The following NRIP1 variants were observed in gnomAD, a reference collection of about 807,000 sequenced individuals.
NRIP1 encodes the protein nuclear receptor interacting protein 1, also known as nuclear receptor-interacting protein 1.
NRIP1 carries 28 observed loss-of-function variants against 75.0 expected under a neutral mutation model. That is an observed-to-expected ratio of 0.37 (90% CI 0.28 to 0.51). NRIP1 has a LOEUF of 0.51. NRIP1 is among the 20% of genes least tolerant of loss of function. The probability of loss-of-function intolerance (pLI) is 0.92; values close to 1 mark genes in which losing one functional copy is unlikely to be tolerated. For missense variants in NRIP1, 1,435 were observed against 1,343.7 expected (o/e 1.07, Z -1.06); for synonymous variants, 526 against 487.6 (o/e 1.08, Z -1.04).
intron 2 of NRIP1, among the ~76,000 whole-genome samples, chr21:15,018,521 G>T (rs766709129): frequency 6.6e-6 from 1 of 152,142 alleles, no homozygotes; most frequent in Admixed American, 6.6e-5. Flanking sequence ...ATAAAGTGAA[G>T]AGAATTTCCA....
intron 3 of NRIP1, among the ~76,000 whole-genome samples, chr21:15,002,973 A>T (rs919541382): frequency 5.9e-5 from 9 of 152,216 alleles, no homozygotes; most frequent in African/African-American, 2.2e-4. Context: ...CTCAACAATT[A>T]TTTAAAAAGC....
Position 14,967,230 on chromosome 21 carries a change from C to T in NRIP1, c.963G>A (p.Met321Ile), listed in dbSNP as rs1568940704. The T allele has an allele frequency of 6.2e-7, 1 of 1,614,030 alleles. No homozygotes were observed. Among genetic ancestry groups the T allele is most frequent in the African/African-American group, 1.3e-5 (1 of 75,054 alleles). Residue 321 changes from methionine (M) to isoleucine (I), a missense_variant, in exon 4 of 4, where the codon ATG (methionine) becomes ATA (isoleucine). Transcript: ENST00000318948. ...DVGSYQLPKG[M>I]SSHLNGQART... ...TTGCCTGACCATTAAGATGGCTTGA[C>T]ATTCCTTTTGGGAGCTGGTAACTGC...
At chr21:15,049,929 T>C (rs2089166518) in intron 1 of NRIP1, among the ~76,000 whole-genome samples, 1 of 152,138 alleles carries the variant, frequency 6.6e-6, no homozygotes, top group Admixed American at 6.5e-5. Flanking sequence ...AATATATTCC[T>C]AAAAAACTTC....
chr21:15,018,559 G>T (rs906773694), intron 2 of NRIP1, among the ~76,000 whole-genome samples: 1 of 152,164 alleles, frequency 6.6e-6, no homozygotes, highest in African/African-American at 2.4e-5. Context: ...TGCAAAGGAC[G>T]TGCCTGCTTA....
At chr21:14,978,540 A>G (rs910257619) in intron 3 of NRIP1, among the ~76,000 whole-genome samples, 3 of 152,200 alleles carry the variant, frequency 2.0e-5, no homozygotes, top group Non-Finnish European at 4.4e-5. Flanking sequence ...TGCTTATCTC[A>G]TAACAGCTAT....
At chr21:15,006,544 C>T (rs892406785) in intron 3 of NRIP1, among the ~76,000 whole-genome samples, 1 of 152,046 alleles carries the variant, frequency 6.6e-6, no homozygotes, top group Non-Finnish European at 1.5e-5. Context: ...GGTTTGTCAT[C>T]ATCAGATATA....
chr21:14,986,340 CATTACCCAA>C (rs1025958789), intron 3 of NRIP1, among the ~76,000 whole-genome samples: 2 of 152,130 alleles, frequency 1.3e-5, no homozygotes, highest in Non-Finnish European at 2.9e-5. Context: ...CAACAACAAC[CATTACCCAA>C]ATAAGTCTTG....
At chr21:15,045,571 T>C (rs1004645315) in intron 1 of NRIP1, among the ~76,000 whole-genome samples, 1 of 152,240 alleles carries the variant, frequency 6.6e-6, no homozygotes, top group Non-Finnish European at 1.5e-5. Flanking sequence ...TGCCAAATGA[T>C]CAGGCTTGTG....
rs117084562 is a variant in NRIP1 at position 14,968,064 on chromosome 21, C to A, written c.129G>T (p.Gly43=). The A allele has an allele frequency of 8.7e-5, 141 of 1,614,032 alleles. 1 individual carries two copies. In the East Asian group the frequency reaches 2.9e-3, roughly 33 times the overall value. Residue 43 remains glycine, a synonymous_variant, in exon 4 of 4, where the codon GGG becomes GGT. Transcript: ENST00000318948. ...SGTAVDKKSA[G]HNEEDQNFNI... ...TAAAGTTCTGATCCTCTTCATTATG[C>A]CCAGCAGACTTTTTGTCAACGGCAG...
chr21:15,042,900 T>C (rs1238268090), intron 2 of NRIP1, among the ~76,000 whole-genome samples: 1 of 152,230 alleles, frequency 6.6e-6, no homozygotes. Flanking sequence ...CCTAGTAATA[T>C]GTCACATGTC....
intron 1 of NRIP1, among the ~76,000 whole-genome samples, chr21:15,052,624 C>T (rs2089225762): frequency 6.6e-6 from 1 of 152,182 alleles, no homozygotes; most frequent in Admixed American, 6.5e-5. Flanking sequence ...CAACTTGCTA[C>T]TTATCCTCAC....
intron 1 of NRIP1, among the ~76,000 whole-genome samples, chr21:15,059,813 C>A (rs1056374702): frequency 1.3e-5 from 2 of 151,974 alleles, no homozygotes; most frequent in Non-Finnish European, 2.9e-5. Context: ...TTTTGAATTG[C>A]CAGCCTTCTC....
intron 1 of NRIP1, among the ~76,000 whole-genome samples, chr21:15,045,113 A>T (rs2089041170): frequency 6.6e-6 from 1 of 152,164 alleles, no homozygotes; most frequent in Non-Finnish European, 1.5e-5. Flanking sequence ...AGACTCCTCC[A>T]GTATCTTATT....
At chr21:14,976,989 T>C (rs1313370412) in intron 3 of NRIP1, among the ~76,000 whole-genome samples, 2 of 152,160 alleles carry the variant, frequency 1.3e-5, no homozygotes, top group Non-Finnish European at 2.9e-5. Context: ...CCTATTTGAG[T>C]ACTGAATTTA....
At chr21:15,021,478 T>G (rs1888335408) in intron 2 of NRIP1, among the ~76,000 whole-genome samples, 1 of 152,170 alleles carries the variant, frequency 6.6e-6, no homozygotes, top group Admixed American at 6.5e-5. Context: ...CGCCGGACTG[T>G]GGTGATGGCT....
At chr21:15,052,896 A>G (rs2089233154) in intron 1 of NRIP1, among the ~76,000 whole-genome samples, 1 of 152,232 alleles carries the variant, frequency 6.6e-6, no homozygotes, top group Non-Finnish European at 1.5e-5. Flanking sequence ...ACTGTGACAC[A>G]TAAACAACTT....
Position 14,962,009 on chromosome 21 carries a change from T to C in NRIP1, c.*2707A>G, listed in dbSNP as rs550123201. The C allele has an allele frequency of 4.6e-5, 4 of 87,154 alleles. No homozygotes were observed. The highest frequency in any genetic ancestry group is 1.2e-4 in the African/African-American group (2 of 16,842). The allele number at this position is 87,154 out of a possible 1,614,324, so 5.4% of individuals were successfully genotyped here. A position where few individuals can be genotyped will look rare whatever the true frequency, so the allele number is the denominator to read the frequency against. ...TGTAACAAGTCAATATATATATATA[T>C]ACATATTATATATATATATATATAT... On this transcript the variant is annotated 3_prime_UTR_variant, in exon 4 of 4. Coordinates refer to ENST00000318948, the MANE Select transcript of NRIP1 (RefSeq NM_003489.4).
At chr21:14,971,543 T>C (rs2086902731) in intron 3 of NRIP1, 1 of 152,232 alleles carries the variant, frequency 6.6e-6, no homozygotes, top group Admixed American at 6.5e-5. Flanking sequence ...AGGGATGTGA[T>C]AGACAACATC....
chr21:15,006,233 G>T (rs991227336), intron 3 of NRIP1, among the ~76,000 whole-genome samples: 8 of 152,154 alleles, frequency 5.3e-5, no homozygotes, highest in Non-Finnish European at 1.2e-4. Flanking sequence ...AAGCAATCTC[G>T]GTCTTGTTAT....
Sources: gnomAD v4.1 joint callset for allele counts (sites outside exome capture counted in the v4.1 genomes callset) on GRCh38, gnomAD v4.1.1 for gene constraint, MANE v1.5 for transcripts, NCBI Gene and HGNC (gene_info 2026-07-23, HGNC 2026-07-21) for gene names.